KCNQ1OT1: variants seen among roughly 807,000 people sequenced by gnomAD.
The protein encoded by KCNQ1OT1 is KCNQ1 antisense RNA 2 (non-protein coding).
chr11:2,649,891 C>G (rs1849731238), exon 1 of KCNQ1OT1: 5 of 398,294 alleles, frequency 1.3e-5, no homozygotes, highest in Non-Finnish European at 2.2e-5. Flanking sequence ...TTTTCTGGTC[C>G]TTATCCCAAC....
At chr11:2,639,773 C>A (rs922051635) in exon 1 of KCNQ1OT1, 1 of 152,422 alleles carries the variant, frequency 6.6e-6, no homozygotes, top group African/African-American at 2.4e-5. Flanking sequence ...GCAGAGGTTT[C>A]TGCTGCCTTT....
exon 1 of KCNQ1OT1, chr11:2,635,662 C>T (rs1248635887): frequency 3.9e-5 from 6 of 152,064 alleles, no homozygotes; most frequent in East Asian, 1.9e-4. Context: ...CTTGGCAATG[C>T]GGGCTCTTTT....
At chr11:2,646,760 C>G (rs1000350923) in exon 1 of KCNQ1OT1, 4 of 398,500 alleles carry the variant, frequency 1.0e-5, no homozygotes, top group African/African-American at 8.2e-5. Context: ...AAGCAATCCA[C>G]CCGCCTCATC....
Position 2,627,494 on chromosome 11 carries a change from T to C in KCNQ1OT1, n.72501A>G, listed in dbSNP as rs1849280708. 2.5e-6 allele frequency: 1 copy of C among 398,534 alleles called. No individual in the cohort carries two copies. Among genetic ancestry groups the C allele is most frequent in the African/African-American group, 2.1e-5 (1 of 48,734 alleles). The allele number at this position is 398,534 out of a possible 1,614,324, so 24.7% of individuals were successfully genotyped here. A position where few individuals can be genotyped will look rare whatever the true frequency, so the allele number is the denominator to read the frequency against. ...ACCCCTAGTAACCACCCTTCTACTC[T>C]CCGTTTCTCTGAGTTCAAGCTTTTT... On this transcript the variant is annotated non_coding_transcript_exon_variant, in exon 1 of 1. Coordinates refer to ENST00000597346, the Ensembl canonical transcript of KCNQ1OT1. This position sits in a 1 kb window ranked among gnomAD's most constrained non-coding sequence, Gnocchi z 4.9.
exon 1 of KCNQ1OT1, chr11:2,629,476 G>T (rs1371754845): frequency 2.5e-6 from 1 of 398,272 alleles, no homozygotes; most frequent in African/African-American, 2.1e-5. Context: ...TTACATTTAG[G>T]TCTGTGGTCC....
chr11:2,696,879 T>A (rs1341114942), exon 1 of KCNQ1OT1: 2 of 397,838 alleles, frequency 5.0e-6, no homozygotes, highest in Non-Finnish European at 8.8e-6. Context: ...AGAAATGTGG[T>A]TTGTTTTTGT....
Position 2,624,996 on chromosome 11 carries a change from T to C in KCNQ1OT1, n.74999A>G, listed in dbSNP as rs935532248. On this transcript the variant is annotated non_coding_transcript_exon_variant, in exon 1 of 1. Coordinates refer to ENST00000597346, the Ensembl canonical transcript of KCNQ1OT1. The surrounding 1 kb of genome is among the most constrained non-coding windows in gnomAD (Gnocchi z 4.9). ...GCTTATCCATTCTTCCATGGACATT[T>C]GGGTTGCATTGATGTTTTAACTGTT... 3 of 398,660 alleles carry C rather than the reference T, an allele frequency of 7.5e-6. No individual in the cohort carries two copies. The highest frequency in any genetic ancestry group is 6.2e-5 in the African/African-American group (3 of 48,764). The allele number at this position is 398,660 out of a possible 1,614,324, so 24.7% of individuals were successfully genotyped here.
At position 2,652,820 on chromosome 11, in the gene KCNQ1OT1, C is replaced by T. The variant is rs1396464696; in HGVS notation, n.47175G>A. 2.5e-6 allele frequency: 1 copy of T among 399,030 alleles called. No homozygotes were observed. Among genetic ancestry groups the T allele is most frequent in the Non-Finnish European group, 4.4e-6 (1 of 226,398 alleles). The allele number at this position is 399,030 out of a possible 1,614,324, so 24.7% of individuals were successfully genotyped here. ...ACCCTTGGGCCTGCAGAGACATTTC[C>T]GTTCACTCTGAGATTTGTGTATGCT... On this transcript the variant is annotated non_coding_transcript_exon_variant, in exon 1 of 1. Coordinates refer to ENST00000597346, the Ensembl canonical transcript of KCNQ1OT1. This position sits in a 1 kb window ranked among gnomAD's most constrained non-coding sequence, Gnocchi z 5.9.
rs1367820918 is a variant in KCNQ1OT1, at chr11:2,620,979, T to G, written n.79016A>C. 5.0e-6 allele frequency: 2 copies of G among 397,902 alleles called. No homozygotes were observed. Among genetic ancestry groups the G allele is most frequent in the African/African-American group, 4.1e-5 (2 of 48,510 alleles). The allele number at this position is 397,902 out of a possible 1,614,324, so 24.6% of individuals were successfully genotyped here. On this transcript the variant is annotated non_coding_transcript_exon_variant, in exon 1 of 1. Transcript: ENST00000597346. The surrounding 1 kb of genome is among the most constrained non-coding windows in gnomAD (Gnocchi z 4.5). ...TTTTGTCTGTTTTTTGCTTTTTTGT[T>G]TGTTTGTTTGTTTTTTGAGAAAGAG...
chr11:2,630,143 G>A (rs1849329550), exon 1 of KCNQ1OT1: 1 of 398,166 alleles, frequency 2.5e-6, no homozygotes, highest in African/African-American at 2.1e-5. Context: ...GTTGAATTAT[G>A]TGAACTGCAT....
At chr11:2,666,737 G>C (rs191136528) in exon 1 of KCNQ1OT1, 56 of 398,770 alleles carry the variant, frequency 1.4e-4, no homozygotes, top group Admixed American at 2.2e-4. Context: ...CAGACCCCAG[G>C]GTACCAGGCA....
Position 2,661,521 on chromosome 11 carries a change from C to T in KCNQ1OT1, n.38474G>A, listed in dbSNP as rs886770016. On this transcript the variant is annotated non_coding_transcript_exon_variant, in exon 1 of 1. Coordinates refer to ENST00000597346, the Ensembl canonical transcript of KCNQ1OT1. This position sits in a 1 kb window ranked among gnomAD's most constrained non-coding sequence, Gnocchi z 5.9. ...CCTCATGGGTCAGAGGTCCTATCAC[C>T]CCATCTTTCCTGACCCACTACTCTG... is the stretch of plus-strand genomic sequence containing the variant. 1.1e-5 allele frequency: 5 copies of T among 471,032 alleles called. No individual in the cohort carries two copies. The highest frequency in any genetic ancestry group is 5.4e-4 in the Middle Eastern group (1 of 1,866). The allele number at this position is 471,032 out of a possible 1,614,324, so 29.2% of individuals were successfully genotyped here.
exon 1 of KCNQ1OT1, chr11:2,692,267 A>C (rs933484136): frequency 7.5e-6 from 3 of 398,478 alleles, no homozygotes; most frequent in African/African-American, 6.2e-5. Flanking sequence ...GGCTTACTTC[A>C]CCCATCCATA....
rs1850231177 is a variant in KCNQ1OT1, at chr11:2,673,685, G to A, written n.26310C>T. 2 of 398,550 alleles carry A rather than the reference G, an allele frequency of 5.0e-6. No homozygotes were observed. Among genetic ancestry groups the A allele is most frequent in the Non-Finnish European group, 8.8e-6 (2 of 226,124 alleles). 24.7% of individuals were successfully genotyped at this position (398,550 alleles called of 1,614,324 possible). A position where few individuals can be genotyped will look rare whatever the true frequency, so the allele number is the denominator to read the frequency against. ...TCTGCATAGGTGTTTTCCTATAAAT[G>A]TTTAATTCCTGAGGTTGCTGAATCT... is the stretch of plus-strand genomic sequence containing the variant. On this transcript the variant is annotated non_coding_transcript_exon_variant, in exon 1 of 1. Transcript: ENST00000597346. This position sits in a 1 kb window ranked among gnomAD's most constrained non-coding sequence, Gnocchi z 4.5.
chr11:2,659,727 G>A lies in KCNQ1OT1; in HGVS notation n.40268C>T, dbSNP rs1849916442. The A allele has an allele frequency of 2.5e-6, 1 of 398,386 alleles. No individual in the cohort carries two copies. The highest frequency in any genetic ancestry group is 4.4e-5 in the Admixed American group (1 of 22,724). The allele number at this position is 398,386 out of a possible 1,614,324, so 24.7% of individuals were successfully genotyped here. On this transcript the variant is annotated non_coding_transcript_exon_variant, in exon 1 of 1. Coordinates refer to ENST00000597346, the Ensembl canonical transcript of KCNQ1OT1. This position sits in a 1 kb window ranked among gnomAD's most constrained non-coding sequence, Gnocchi z 4.3. ...GCATTCCCACCAGTAACATATGAGA[G>A]TTCTACATGTTCCACATCCTCAAGA...
In KCNQ1OT1 at chr11:2,627,003, T is replaced by A; in HGVS notation, n.72992A>T. Reference sequence around the variant, plus strand: ...TTGGGATTACCTTGGATTTGTAGATTGTTTTGTGTGGTACTGACACCTTAA... The same window carrying A: ...TTGGGATTACCTTGGATTTGTAGATAGTTTTGTGTGGTACTGACACCTTAA... On this transcript the variant is annotated non_coding_transcript_exon_variant, in exon 1 of 1. Coordinates refer to ENST00000597346, the Ensembl canonical transcript of KCNQ1OT1. The surrounding 1 kb of genome is among the most constrained non-coding windows in gnomAD (Gnocchi z 4.9). 2.5e-6 allele frequency: 1 copy of A among 398,626 alleles called. No homozygotes were observed. 24.7% of individuals were successfully genotyped at this position (398,626 alleles called of 1,614,324 possible).
At position 2,690,890 on chromosome 11, in the gene KCNQ1OT1, G is replaced by T. The variant is rs112187347; in HGVS notation, n.9105C>A. The T allele has an allele frequency of 2.5e-6, 1 of 398,458 alleles. No homozygotes were observed. The highest frequency in any genetic ancestry group is 2.1e-5 in the African/African-American group (1 of 48,586). The allele number at this position is 398,458 out of a possible 1,614,324, so 24.7% of individuals were successfully genotyped here. The stretch of plus-strand genomic sequence containing the variant: ...CACAGGAGTGTAAGCCACTGTTTCC[G>T]TCTGGGTTTTGTCATGTGTAGGTCC... On this transcript the variant is annotated non_coding_transcript_exon_variant, in exon 1 of 1. Coordinates refer to ENST00000597346, the Ensembl canonical transcript of KCNQ1OT1. The surrounding 1 kb of genome is among the most constrained non-coding windows in gnomAD (Gnocchi z 5.1).
At chr11:2,643,155 C>A in exon 1 of KCNQ1OT1, 1 of 398,178 alleles carries the variant, frequency 2.5e-6, no homozygotes, top group South Asian at 1.3e-4. Context: ...ATGAACTGGT[C>A]TGTAAATGTC....
exon 1 of KCNQ1OT1, chr11:2,686,497 A>C: frequency 2.5e-6 from 1 of 398,658 alleles, no homozygotes; most frequent in South Asian, 1.3e-4. Context: ...ACCCTCACCC[A>C]GTGTTGAGTC....
Sources: gnomAD v4.1 joint callset for allele counts on GRCh38, gnomAD v4.1.1 for gene constraint, Gnocchi (gnomAD v3.1) non-coding constraint, MANE v1.5 for transcripts, NCBI Gene and HGNC (gene_info 2026-07-23, HGNC 2026-07-21) for gene names.